Variants in BEGAIN observed in about 807,000 individuals in gnomAD.
BEGAIN encodes brain-enriched guanylate kinase-associated protein.
A neutral mutation model predicts 35.8 loss-of-function variants in BEGAIN; 19 were observed. That is an observed-to-expected ratio of 0.53 (90% CI 0.37 to 0.78). BEGAIN has a LOEUF of 0.78. BEGAIN is among the 30% of genes least tolerant of loss of function. The probability of loss-of-function intolerance (pLI) is 0.00; values close to 1 mark genes in which losing one functional copy is unlikely to be tolerated. For missense variants in BEGAIN, 795 were observed against 853.6 expected, an observed-to-expected ratio of 0.93 and a Z score of 0.85; for synonymous variants, 462 against 388.6, an observed-to-expected ratio of 1.19 and a Z score of -2.22.
intron 6 of BEGAIN, chr14:100,540,086 C>T (rs2031361869): frequency 5.7e-6 from 1 of 176,350 alleles, no homozygotes; most frequent in Non-Finnish European, 1.2e-5. Flanking sequence ...TGCCACGTGG[C>T]CTCAGCCACG....
At chr14:100,552,475 C>T (rs1429662231) in intron 2 of BEGAIN, among the ~76,000 whole-genome samples, 2 of 152,242 alleles carry the variant, frequency 1.3e-5, no homozygotes, top group African/African-American at 2.4e-5. Context: ...AAGCAAGCCT[C>T]GGTGAGGACC....
At position 100,537,868 on chromosome 14, in the gene BEGAIN, G is replaced by C; in HGVS notation, c.*101C>G. The C allele has an allele frequency of 6.9e-7, 1 of 1,441,598 alleles. No homozygotes were observed. The highest frequency in any genetic ancestry group is 9.1e-7 in the Non-Finnish European group (1 of 1,093,276). 89.3% of individuals were successfully genotyped at this position (1,441,598 alleles called of 1,614,324 possible). A position where few individuals can be genotyped will look rare whatever the true frequency, so the allele number is the denominator to read the frequency against. On this transcript the variant is annotated 3_prime_UTR_variant, in exon 7 of 7. Coordinates refer to ENST00000554140, the MANE Select transcript of BEGAIN (RefSeq NM_001385089.1). ...AGGAACAGACTCCTCGTTGTTGGCC[G>C]GGGCAGGGGAACAGCGGGGGCTGGG...
At position 100,537,934 on chromosome 14, in the gene BEGAIN, G is replaced by A. The variant is rs1394195568; in HGVS notation, c.*35C>T. 3 of 1,574,176 alleles carry A rather than the reference G, an allele frequency of 1.9e-6. No homozygotes were observed. The highest frequency in any genetic ancestry group is 2.3e-5 in the South Asian group (2 of 85,602). ...CCCTTCTGGGGCACGTGGGCTGGCG[G>A]GGAGCGAACCACGGCCAGGCCTGCA... On this transcript the variant is annotated 3_prime_UTR_variant, in exon 7 of 7. Coordinates refer to ENST00000554140, the MANE Select transcript of BEGAIN (RefSeq NM_001385089.1).
At chr14:100,546,700 C>G (rs930546737) in intron 2 of BEGAIN, 38 bp from the exon 3 acceptor site, 2 of 1,531,036 alleles carry the variant, frequency 1.3e-6, no homozygotes, top group Non-Finnish European at 8.7e-7. Context: ...GGCCGCGGCG[C>G]TGAGCGGGGG....
intron 3 of BEGAIN, chr14:100,545,302 A>C: frequency 3.8e-6 from 5 of 1,331,124 alleles, no homozygotes; most frequent in South Asian, 3.7e-5. Context: ...TTCCCCCTCC[A>C]CCCCGGGACC....
In BEGAIN at chr14:100,586,898, C is replaced by G. The variant is rs553891546; in HGVS notation, c.42+351G>C. On this transcript the variant is annotated intron_variant, in intron 1 of 6. Transcript: ENST00000554140. The surrounding 1 kb of genome is among the most constrained non-coding windows in gnomAD (Gnocchi z 4.9). ...CCTCGCCACCCGCCCGGGACAGCGGCGGGTCCCCAGTCCTCCGGCCGCGCC... is the reference window on the plus strand; with the variant it reads ...CCTCGCCACCCGCCCGGGACAGCGGGGGGTCCCCAGTCCTCCGGCCGCGCC... 6.6e-6 allele frequency among the ~76,000 whole-genome samples: 1 copy of G among 152,038 alleles called. No homozygotes were observed. Among genetic ancestry groups the G allele is most frequent in the African/African-American group, 2.4e-5 (1 of 41,432 alleles).
At chr14:100,580,187 C>T (rs531581845) in intron 1 of BEGAIN, among the ~76,000 whole-genome samples, 1 of 152,290 alleles carries the variant, frequency 6.6e-6, no homozygotes, top group South Asian at 2.1e-4. Context: ...TGCCTGTAGT[C>T]CCAGCCTTGG....
chr14:100,585,292 A>G (rs1595155784), intron 1 of BEGAIN, among the ~76,000 whole-genome samples: 1 of 40,088 alleles, frequency 2.5e-5, no homozygotes, highest in Non-Finnish European at 4.4e-5. Flanking sequence ...CATCCCTCCC[A>G]TCCCTCCCAT....
intron 2 of BEGAIN, among the ~76,000 whole-genome samples, chr14:100,562,555 C>T (rs2034351409): frequency 6.6e-6 from 1 of 151,944 alleles, no homozygotes; most frequent in Non-Finnish European, 1.5e-5. Flanking sequence ...CCTTTTCCCC[C>T]ACACCCCATG....
In BEGAIN at chr14:100,587,283, G is replaced by A. The variant is rs1209528105; in HGVS notation, c.8C>T (p.Thr3Ile). The change falls in exon 1 of 7, where the codon ACT (threonine) becomes ATT (isoleucine). Residue 3 changes from threonine to isoleucine, a missense_variant. Physicochemically the swap from Thr to Ile is moderately conservative, Grantham distance 89. This residue lies in a region of BEGAIN where 58 missense variants were observed against 62.7 expected (regional missense o/e 0.92). Transcript: ENST00000554140. MW[T>I]GGRRPGRLRR... is the part of the protein sequence containing the mutation. The stretch of plus-strand genomic sequence containing the variant: ...CAGCCGGCCCGGCCGGCGACCGCCA[G>A]TCCACATGGCCCCAGGGCAGCCGCG... The A allele has an allele frequency of 1.1e-5, 2 of 189,222 alleles. No homozygotes were observed. The highest frequency in any genetic ancestry group is 1.7e-4 in the East Asian group (1 of 5,822). 11.7% of individuals were successfully genotyped at this position (189,222 alleles called of 1,614,324 possible). A position where few individuals can be genotyped will look rare whatever the true frequency, so the allele number is the denominator to read the frequency against.
In BEGAIN at chr14:100,539,138, G is replaced by T. The variant is rs747890182; in HGVS notation, c.670C>A (p.Arg224Ser). 4 of 1,603,664 alleles carry T rather than the reference G, an allele frequency of 2.5e-6. No individual in the cohort carries two copies. The South Asian group carries it at 3.3e-5, about 13-fold the overall frequency. The change falls in exon 7 of 7, where the codon CGC (arginine) becomes AGC (serine). Residue 224 changes from arginine (R) to serine (S), a missense_variant. Physicochemically the swap from Arg to Ser is moderately radical, Grantham distance 110 (BLOSUM62 -1). Transcript: ENST00000554140. ...LSSRLSDASA[R>S]DLAFCDGVEK... ...ACCCCGTCGCAGAAGGCCAGGTCGC[G>T]GGCGGAGGCATCGGACAGGCGGGAG...
chr14:100,551,172 C>T (rs930767560), intron 2 of BEGAIN, among the ~76,000 whole-genome samples: 1 of 152,212 alleles, frequency 6.6e-6, no homozygotes, highest in African/African-American at 2.4e-5. Flanking sequence ...TGCTCCCCTG[C>T]CCCTGCCTGT....
rs567760738 is a variant in BEGAIN at position 100,578,525 on chromosome 14, C to T, written c.42+8724G>A. Among the ~76,000 whole-genome samples, 9 of 152,340 alleles carry T rather than the reference C, an allele frequency of 5.9e-5. No individual in the cohort carries two copies. In the South Asian group the frequency reaches 1.0e-3, roughly 18 times the overall value. On this transcript the variant is annotated intron_variant, in intron 1 of 6. Transcript: ENST00000554140. The stretch of plus-strand genomic sequence containing the variant: ...ATTTTCTTTTGAGATACAGGGTAGT[C>T]GGCTAAAAGACCACCTTTCCCAGGC...
intron 2 of BEGAIN, among the ~76,000 whole-genome samples, chr14:100,560,037 G>T (rs2034102648): frequency 6.6e-6 from 1 of 152,236 alleles, no homozygotes; most frequent in African/African-American, 2.4e-5. Flanking sequence ...CAGCCGCGGG[G>T]GGCTGAGAGG....
intron 2 of BEGAIN, among the ~76,000 whole-genome samples, chr14:100,566,158 G>C (rs1338334166): frequency 2.0e-5 from 3 of 152,232 alleles, no homozygotes; most frequent in Non-Finnish European, 4.4e-5. Context: ...CTCCAGAAAG[G>C]CCACATGGCC....
At chr14:100,581,650 A>G (rs942022813) in intron 1 of BEGAIN, among the ~76,000 whole-genome samples, 11 of 152,248 alleles carry the variant, frequency 7.2e-5, no homozygotes, top group Non-Finnish European at 8.8e-5. Context: ...AGAAAGGTGC[A>G]GTGACCCGTC....
chr14:100,541,878 C>T (rs2031680063), intron 5 of BEGAIN, among the ~76,000 whole-genome samples: 1 of 152,224 alleles, frequency 6.6e-6, no homozygotes, highest in Non-Finnish European at 1.5e-5. Context: ...GACACTCTGG[C>T]AGAGCGAACA....
intron 3 of BEGAIN, among the ~76,000 whole-genome samples, chr14:100,545,746 C>T (rs546247040): frequency 6.6e-6 from 1 of 152,242 alleles, no homozygotes; most frequent in South Asian, 2.1e-4. Context: ...ACTGCACTGC[C>T]CAAGCTTGGT....
chr14:100,544,169 C>T (rs995307178), intron 4 of BEGAIN, among the ~76,000 whole-genome samples: 9 of 152,170 alleles, frequency 5.9e-5, no homozygotes, highest in East Asian at 5.8e-4. Flanking sequence ...GCCTTGGGGA[C>T]GTCACTGCCT....
Sources: gnomAD v4.1 joint callset for allele counts (sites outside exome capture counted in the v4.1 genomes callset) on GRCh38, gnomAD v4.1.1 for gene constraint, gnomAD v4.1.1 regional missense constraint, Gnocchi (gnomAD v3.1) non-coding constraint, MANE v1.5 for transcripts, NCBI Gene and HGNC (gene_info 2026-07-23, HGNC 2026-07-21) for gene names.